Variants in PPARGC1A observed in about 807,000 individuals in gnomAD.
PPARGC1A encodes peroxisome proliferator-activated receptor gamma coactivator 1-alpha.
PPARGC1A carries 25 observed loss-of-function variants against 88.7 expected under a neutral mutation model. The observed-to-expected ratio is 0.28, with a 90% CI of 0.21 to 0.39. PPARGC1A has a LOEUF of 0.39. Ranked by LOEUF, PPARGC1A falls within the 10% of genes least tolerant of loss-of-function variation. PPARGC1A has a pLI of 1.00. For missense variants in PPARGC1A, 880 were observed against 968.7 expected, an observed-to-expected ratio of 0.91 and a Z score of 1.22; for synonymous variants, 363 against 355.6, an observed-to-expected ratio of 1.02 and a Z score of -0.24.
At chr4:24,138,646 G>A in the PPARGC1A span, among the ~76,000 whole-genome samples, 1 of 152,104 alleles carries the variant, frequency 6.6e-6, no homozygotes, top group Non-Finnish European at 1.5e-5. Context: ...ACAGGATTTA[G>A]TCCCTGCTTG....
chr4:23,889,716 A>G (rs1577671236), intron 1 of PPARGC1A, among the ~76,000 whole-genome samples, 188 bp downstream of exon 1: 1 of 152,198 alleles, frequency 6.6e-6, no homozygotes, highest in South Asian at 2.1e-4. Flanking sequence ...TGCTCAAGCC[A>G]TCTCAGAGCC....
chr4:24,268,881 C>G, the PPARGC1A span, among the ~76,000 whole-genome samples: 1 of 152,132 alleles, frequency 6.6e-6, no homozygotes, highest in Non-Finnish European at 1.5e-5. Context: ...TATGGAGTTC[C>G]TACTATATCG....
the PPARGC1A span, among the ~76,000 whole-genome samples, chr4:24,441,495 A>G: frequency 6.6e-6 from 1 of 152,160 alleles, no homozygotes; most frequent in Non-Finnish European, 1.5e-5. Context: ...CAGGGCCAGA[A>G]GTAGGGAAGA....
the PPARGC1A span, among the ~76,000 whole-genome samples, chr4:24,201,286 C>T: frequency 1.3e-5 from 2 of 152,168 alleles, no homozygotes; most frequent in East Asian, 1.9e-4. Flanking sequence ...AGAAAAGAAC[C>T]TTAAACAGTC....
At chr4:24,186,252 C>A in the PPARGC1A span, among the ~76,000 whole-genome samples, 3 of 152,026 alleles carry the variant, frequency 2.0e-5, no homozygotes, top group Non-Finnish European at 4.4e-5. Flanking sequence ...AGACCTAGTG[C>A]CAAATGTCTC....
the PPARGC1A span, among the ~76,000 whole-genome samples, chr4:24,424,227 A>T: frequency 6.8e-6 from 1 of 147,492 alleles, no homozygotes; most frequent in African/African-American, 2.5e-5. Context: ...GGAAAAAAAA[A>T]ATTGTATGAA....
At chr4:24,234,592 C>T in the PPARGC1A span, among the ~76,000 whole-genome samples, 119 of 152,250 alleles carry the variant, frequency 7.8e-4, no homozygotes, top group Non-Finnish European at 1.3e-3. Flanking sequence ...TACCAGTTTT[C>T]TAAAAATATA....
At chr4:24,080,029 ATATTT>A in the PPARGC1A span, among the ~76,000 whole-genome samples, 1 of 152,068 alleles carries the variant, frequency 6.6e-6, no homozygotes, top group East Asian at 1.9e-4. Context: ...CTCTCTCATT[ATATTT>A]ATTATTCAAG....
the PPARGC1A span, among the ~76,000 whole-genome samples, chr4:24,041,156 G>A: frequency 1.1e-4 from 16 of 152,224 alleles, no homozygotes; most frequent in East Asian, 9.6e-4. Context: ...CCTGTGCCTG[G>A]GAGACTGACC....
intron 2 of PPARGC1A, among the ~76,000 whole-genome samples, chr4:23,848,123 T>C (rs1464971105): frequency 6.6e-6 from 1 of 152,144 alleles, no homozygotes; most frequent in African/African-American, 2.4e-5. Context: ...ACATAAAAAA[T>C]AGCATGATCA....
chr4:23,920,281 G>T, the PPARGC1A span, among the ~76,000 whole-genome samples: 2 of 152,236 alleles, frequency 1.3e-5, no homozygotes, highest in Non-Finnish European at 2.9e-5. Flanking sequence ...TGCCATGGCA[G>T]GTGATGAACT....
the PPARGC1A span, among the ~76,000 whole-genome samples, chr4:24,316,175 A>G: frequency 4.6e-5 from 7 of 152,300 alleles, no homozygotes; most frequent in African/African-American, 7.2e-5. Flanking sequence ...ACTTCTCCCA[A>G]TGCAAGCGTC....
chr4:23,888,148 A>G (rs967008834), intron 1 of PPARGC1A, among the ~76,000 whole-genome samples: 1 of 152,218 alleles, frequency 6.6e-6, no homozygotes, highest in African/African-American at 2.4e-5. Context: ...TGATTCCCAG[A>G]GCCGCTGCCA....
At chr4:24,000,229 T>C in the PPARGC1A span, among the ~76,000 whole-genome samples, 1 of 152,150 alleles carries the variant, frequency 6.6e-6, no homozygotes, top group Non-Finnish European at 1.5e-5. Flanking sequence ...ATCCTAGGTA[T>C]CACTTGATAA....
At chr4:24,086,747 A>G in the PPARGC1A span, among the ~76,000 whole-genome samples, 1 of 152,182 alleles carries the variant, frequency 6.6e-6, no homozygotes, top group Non-Finnish European at 1.5e-5. Flanking sequence ...TAGGTAATAG[A>G]TAGATAATGA....
the PPARGC1A span, among the ~76,000 whole-genome samples, chr4:24,274,657 C>T: frequency 1.3e-5 from 2 of 152,248 alleles, no homozygotes; most frequent in South Asian, 2.1e-4. Flanking sequence ...ATGAGTTATA[C>T]AAAAATTGGC....
the PPARGC1A span, among the ~76,000 whole-genome samples, chr4:24,194,632 A>G: frequency 0.19 from 2,958 of 15,406 alleles, 45 homozygotes; most frequent in East Asian, 0.46. Context: ...ACGCGCGCGC[A>G]CACACACACA....
chr4:24,373,163 C>T, the PPARGC1A span, among the ~76,000 whole-genome samples: 1 of 152,158 alleles, frequency 6.6e-6, no homozygotes, highest in Non-Finnish European at 1.5e-5. Flanking sequence ...ACTCCTGCGG[C>T]GTGAGCAGCA....
chr4:24,282,528 C>T, the PPARGC1A span, among the ~76,000 whole-genome samples: 6 of 152,214 alleles, frequency 3.9e-5, no homozygotes, highest in Admixed American at 1.3e-4. Context: ...TCCATCAGAA[C>T]GTGTCACTGA....
Sources: gnomAD v4.1 joint callset for allele counts (sites outside exome capture counted in the v4.1 genomes callset) on GRCh38, gnomAD v4.1.1 for gene constraint, MANE v1.5 for transcripts, NCBI Gene and HGNC (gene_info 2026-07-23, HGNC 2026-07-21) for gene names.